The following NUDT6 variants were observed in gnomAD, a reference collection of about 807,000 sequenced individuals.
The protein encoded by NUDT6 is FAD diphosphatase NUDT6.
Under a neutral mutation model 36.8 loss-of-function variants are expected in NUDT6, and 24 were observed. The observed-to-expected ratio is 0.65, with a 90% confidence interval of 0.47 to 0.92. The LOEUF is 0.92. Ranked by LOEUF, NUDT6 falls within the 40% of genes least tolerant of loss-of-function variation. The pLI is 0.00. For synonymous variants in NUDT6, 163 were observed against 157.0 expected, an observed-to-expected ratio of 1.04 and a Z score of -0.29; for missense variants, 388 against 392.8, an observed-to-expected ratio of 0.99 and a Z score of 0.10.
chr4:122,913,511 A>T (rs1364849326), intron 2 of NUDT6, among the ~76,000 whole-genome samples: 1 of 152,200 alleles, frequency 6.6e-6, no homozygotes, highest in East Asian at 1.9e-4. Flanking sequence ...TTATTGAATA[A>T]ATGAATTGAC....
chr4:122,892,980 C>G lies in NUDT6; in HGVS notation c.799G>C (p.Val267Leu). The change falls in exon 5 of 5, where the codon GTT becomes CTT. Residue 267 changes from valine (V) to leucine (L), a missense_variant. Coordinates refer to ENST00000304430, the MANE Select transcript of NUDT6 (RefSeq NM_007083.5). ...TENTTPITSR[V>L]ARLLLYGYRE... The stretch of plus-strand genomic sequence containing the variant: ...TACCCATACAGCAGCAGCCTAGCAA[C>G]TCTGCTGGTGATGGGAGTTGTATTT... 6.2e-7 allele frequency: 1 copy of G among 1,614,170 alleles called. No individual in the cohort carries two copies. Among genetic ancestry groups the G allele is most frequent in the Non-Finnish European group, 8.5e-7 (1 of 1,180,036 alleles).
intron 3 of NUDT6, among the ~76,000 whole-genome samples, chr4:122,906,129 C>T (rs979642138): frequency 6.6e-6 from 1 of 152,206 alleles, no homozygotes; most frequent in Non-Finnish European, 1.5e-5. Flanking sequence ...TTGTCAAACT[C>T]TATTCAGTCT....
chr4:122,912,619 A>T lies in NUDT6; in HGVS notation c.447T>A (p.Ala149=). The change falls in exon 3 of 5, where the codon GCT becomes GCA. Residue 149 remains alanine, a synonymous_variant. Transcript: ENST00000304430. ...TTTTTCTAGTACTTTCATCAAATAC[A>T]GCTCCTATTAGGGGAAAAAGAAAAG... is the stretch of plus-strand genomic sequence containing the variant. ...YASHQVGVAG[A]VFDESTRKIL... The T allele has an allele frequency of 6.4e-7, 1 of 1,558,260 alleles. No homozygotes were observed. Among genetic ancestry groups the T allele is most frequent in the South Asian group, 1.1e-5 (1 of 89,492 alleles).
At chr4:122,901,433 T>A (rs1186758105) in intron 3 of NUDT6, among the ~76,000 whole-genome samples, 1 of 152,226 alleles carries the variant, frequency 6.6e-6, no homozygotes, top group African/African-American at 2.4e-5. Context: ...ATTTGCCAAT[T>A]ACAAGTCTGA....
chr4:122,908,948 G>A (rs1212255316), intron 3 of NUDT6, among the ~76,000 whole-genome samples: 3 of 152,122 alleles, frequency 2.0e-5, no homozygotes, highest in African/African-American at 7.2e-5. Context: ...CTTACTTACA[G>A]TCTACAGTCT....
intron 3 of NUDT6, among the ~76,000 whole-genome samples, chr4:122,910,987 A>T (rs1578496848): frequency 6.6e-6 from 1 of 152,330 alleles, no homozygotes; most frequent in East Asian, 1.9e-4. Context: ...CTTTTATGGT[A>T]TCTCTTTAGA....
chr4:122,897,904 T>C lies in NUDT6; in HGVS notation c.499-226A>G, dbSNP rs191242224. On this transcript the variant is annotated intron_variant, in intron 3 of 4. Transcript: ENST00000304430. ...TCCCACCTTTTCTCTTCAGGAAATA[T>C]AAGTGGTTTTGTTTGGTTAACGTGA... 83 of 520,440 alleles carry C rather than the reference T, an allele frequency of 1.6e-4. 1 individual carries two copies. The East Asian group carries it at 2.6e-3, about 16-fold the overall frequency. 32.2% of individuals were successfully genotyped at this position (520,440 alleles called of 1,614,324 possible).
upstream of NUDT6, chr4:122,922,677 T>C: frequency 2.1e-6 from 2 of 973,946 alleles, no homozygotes; most frequent in Non-Finnish European, 3.0e-6. Flanking sequence ...CCCTCAGAGT[T>C]GAGCTGGGGT....
intron 3 of NUDT6, among the ~76,000 whole-genome samples, chr4:122,901,015 G>T (rs1357325734): frequency 6.6e-6 from 1 of 152,110 alleles, no homozygotes; most frequent in Non-Finnish European, 1.5e-5. Flanking sequence ...TCCTATAAAA[G>T]AAGATGATAT....
At chr4:122,911,168 A>G (rs1202003031) in intron 3 of NUDT6, among the ~76,000 whole-genome samples, 1 of 152,180 alleles carries the variant, frequency 6.6e-6, no homozygotes, top group East Asian at 1.9e-4. Context: ...TAGAAGTGGC[A>G]AAGGGATTGG....
chr4:122,894,335 A>G (rs1727283756), intron 4 of NUDT6: 1 of 152,342 alleles, frequency 6.6e-6, no homozygotes, highest in Non-Finnish European at 1.5e-5. Flanking sequence ...TCATGCCTAT[A>G]TTCCCTGCAC....
In NUDT6 at chr4:122,922,542, G is replaced by C; in HGVS notation, c.31C>G (p.Arg11Gly). Residue 11 changes from arginine (R) to glycine (G), a missense_variant, in exon 1 of 5, where the codon CGC becomes GGC. Physicochemically the swap from Arg to Gly is moderately radical, Grantham distance 125. Transcript: ENST00000304430. MRQPLSWGRW[R>G]AMLARTYGPG... The stretch of plus-strand genomic sequence containing the variant: ...CCGTAGGTTCGGGCAAGCATCGCGC[G>C]CCAGCGGCCCCAGCTCAGTGGCTGC... 6.2e-7 allele frequency: 1 copy of C among 1,602,914 alleles called. No individual in the cohort carries two copies. Among genetic ancestry groups the C allele is most frequent in the Non-Finnish European group, 8.5e-7 (1 of 1,177,510 alleles).
intron 3 of NUDT6, among the ~76,000 whole-genome samples, chr4:122,902,529 A>G (rs955298183): frequency 2.6e-5 from 4 of 152,154 alleles, no homozygotes; most frequent in Non-Finnish European, 5.9e-5. Flanking sequence ...ACCTTATATA[A>G]TATTCATTCG....
chr4:122,917,150 G>A (rs1010362510), intron 2 of NUDT6, among the ~76,000 whole-genome samples: 1 of 152,148 alleles, frequency 6.6e-6, no homozygotes, highest in Non-Finnish European at 1.5e-5. Context: ...AATATTTTGA[G>A]AGAGACCACA....
At chr4:122,920,187 C>T (rs1039087915) in intron 1 of NUDT6, 4 of 152,128 alleles carry the variant, frequency 2.6e-5, no homozygotes, top group Non-Finnish European at 5.9e-5. Context: ...AATAGTCTCT[C>T]TTTATAGGCA....
At position 122,919,965 on chromosome 4, in the gene NUDT6, G is replaced by A. The variant is rs543849831; in HGVS notation, c.239-2261C>T. On this transcript the variant is annotated intron_variant, in intron 1 of 4. Coordinates refer to ENST00000304430, the MANE Select transcript of NUDT6 (RefSeq NM_007083.5). ...CACATAGCTGGTGAGTGGCATAGCA[G>A]GGACCAGAACCAGTGCTATTTCATT... 5 of 152,330 alleles carry A rather than the reference G, an allele frequency of 3.3e-5. No individual in the cohort carries two copies. The South Asian group carries it at 1.0e-3, about 32-fold the overall frequency. 9.4% of individuals were successfully genotyped at this position (152,330 alleles called of 1,614,324 possible).
intron 4 of NUDT6, chr4:122,896,701 C>T: frequency 6.6e-6 from 1 of 151,978 alleles, no homozygotes; most frequent in South Asian, 2.1e-4. Flanking sequence ...TACGAGTTGG[C>T]TATATAATGT....
At chr4:122,907,400 G>A (rs58299736) in intron 3 of NUDT6, among the ~76,000 whole-genome samples, 24,057 of 150,598 alleles carry the variant, frequency 0.16, 2,423 homozygotes, top group East Asian at 0.45. Flanking sequence ...CTCCCAAAGT[G>A]CTGAGATTAC....
chr4:122,909,991 A>C (rs1397392844), intron 3 of NUDT6, among the ~76,000 whole-genome samples: 4 of 152,218 alleles, frequency 2.6e-5, no homozygotes, highest in Admixed American at 6.5e-5. Context: ...TATGTTGAAA[A>C]ACACTAAGAA....
Sources: gnomAD v4.1 joint callset for allele counts (sites outside exome capture counted in the v4.1 genomes callset) on GRCh38, gnomAD v4.1.1 for gene constraint, MANE v1.5 for transcripts, NCBI Gene and HGNC (gene_info 2026-07-23, HGNC 2026-07-21) for gene names.